The following TG variants were observed in gnomAD, a reference collection of about 807,000 sequenced individuals.
The protein encoded by TG is thyroglobulin, also known as thyroid hormones.
A neutral mutation model predicts 324.7 loss-of-function variants in TG; 270 were observed. The observed-to-expected ratio is 0.83, with a 90% CI of 0.75 to 0.92. The LOEUF is 0.92. TG is among the 40% of genes least tolerant of loss of function. TG has a pLI of 0.00. For synonymous variants in TG, 1,401 were observed against 1,327.0 expected (o/e 1.06, Z -1.21); for missense variants, 3,591 against 3,456.4 (o/e 1.04, Z -0.98).
intron 20 of TG, among the ~76,000 whole-genome samples, chr8:132,914,636 C>A (rs909287766): frequency 6.6e-6 from 1 of 152,198 alleles, no homozygotes; most frequent in Non-Finnish European, 1.5e-5. Flanking sequence ...TGAGATGGGG[C>A]ATCTGTCATG....
rs1483456905 is a variant in TG, at chr8:133,047,793, G to A, written c.7239+17770G>A. ...AGCCAGGAGCAAAACATGCTTGTCT[G>A]CCCCGGATGGGGAAAGATGAGTTGG... On this transcript the variant is annotated intron_variant, in intron 41 of 47. Coordinates refer to ENST00000220616, the MANE Select transcript of TG (RefSeq NM_003235.5). The A allele has an allele frequency of 4.4e-6, 5 of 1,142,120 alleles. No individual in the cohort carries two copies. The South Asian group carries it at 6.1e-5, about 14-fold the overall frequency. The allele number at this position is 1,142,120 out of a possible 1,614,324, so 70.7% of individuals were successfully genotyped here. A position where few individuals can be genotyped will look rare whatever the true frequency, so the allele number is the denominator to read the frequency against.
At chr8:132,966,491 T>A in intron 29 of TG, 69 bp from the exon 30 acceptor site, 1 of 1,566,020 alleles carries the variant, frequency 6.4e-7, no homozygotes, top group South Asian at 1.1e-5. Context: ...TGTGTGTTTC[T>A]TTCTTGTGTT....
intron 46 of TG, 92 bp from the exon 47 acceptor site, chr8:133,133,378 C>T: frequency 1.6e-6 from 2 of 1,289,762 alleles, no homozygotes; most frequent in Non-Finnish European, 2.3e-6. Context: ...TGAATTGTCC[C>T]TCAGATACCG....
At chr8:132,890,534 C>CTTA (rs1816084981) in intron 10 of TG, among the ~76,000 whole-genome samples, 1 of 152,140 alleles carries the variant, frequency 6.6e-6, no homozygotes, top group African/African-American at 2.4e-5. Flanking sequence ...GAATTCAATG[C>CTTA]AGCCAAAAGC....
chr8:133,019,521 T>G (rs1319854076), intron 38 of TG, 81 bp from the exon 39 acceptor site: 7 of 1,170,708 alleles, frequency 6.0e-6, no homozygotes, highest in African/African-American at 1.5e-5. Context: ...TGGAATGGGG[T>G]AGTGGGCTCT....
At chr8:133,087,497 T>G (rs1425199182) in intron 41 of TG, among the ~76,000 whole-genome samples, 2 of 152,218 alleles carry the variant, frequency 1.3e-5, no homozygotes, top group African/African-American at 4.8e-5. Context: ...GTTTTCTAAA[T>G]GGACTTGGCC....
At chr8:132,934,776 G>A (rs904046983) in intron 24 of TG, among the ~76,000 whole-genome samples, 5 of 152,124 alleles carry the variant, frequency 3.3e-5, no homozygotes, top group Non-Finnish European at 5.9e-5. Flanking sequence ...CAAAATACTG[G>A]GAACAAAACA....
At chr8:133,047,539 A>G (rs1433305521) in intron 41 of TG, 3 of 439,364 alleles carry the variant, frequency 6.8e-6, no homozygotes, top group Non-Finnish European at 8.5e-6. Context: ...CTGCCTACAC[A>G]CTGCGTTCAG....
chr8:132,925,445 A>G (rs1821706235), intron 22 of TG, among the ~76,000 whole-genome samples: 1 of 151,540 alleles, frequency 6.6e-6, no homozygotes, highest in Admixed American at 6.6e-5. Context: ...CAAGTGAGAA[A>G]TTTTCATTTT....
At chr8:133,089,029 C>T (rs1450032484) in intron 41 of TG, among the ~76,000 whole-genome samples, 2 of 152,234 alleles carry the variant, frequency 1.3e-5, no homozygotes, top group African/African-American at 4.8e-5. Context: ...ATTCAGCTGG[C>T]CCACGACACC....
intron 36 of TG, among the ~76,000 whole-genome samples, chr8:133,012,690 G>T (rs984974136): frequency 6.6e-6 from 1 of 152,170 alleles, no homozygotes; most frequent in Admixed American, 6.5e-5. Flanking sequence ...CTCCTTCTCT[G>T]CAAGGTTGGA....
At chr8:132,920,451 A>T (rs1168674989) in intron 21 of TG, among the ~76,000 whole-genome samples, 8 of 152,214 alleles carry the variant, frequency 5.3e-5, no homozygotes, top group Non-Finnish European at 8.8e-5. Flanking sequence ...AGTAATTCCA[A>T]TAAAATAAAA....
intron 8 of TG, 38 bp downstream of exon 8, chr8:132,883,037 A>G: frequency 1.2e-6 from 2 of 1,603,408 alleles, no homozygotes; most frequent in East Asian, 2.2e-5. Flanking sequence ...TCGGCCTCGG[A>G]TCATATTACT....
Position 132,887,439 on chromosome 8 carries a change from TGAGG to T in TG, c.2070_2073del (p.Glu690AspfsTer30), listed in dbSNP as rs1250821448. 6.2e-7 allele frequency: 1 copy of T among 1,614,028 alleles called. No individual in the cohort carries two copies. The highest frequency in any genetic ancestry group is 1.3e-5 in the African/African-American group (1 of 74,910). On this transcript the variant is annotated frameshift_variant, in exon 9 of 48. Coordinates refer to ENST00000220616, the MANE Select transcript of TG (RefSeq NM_003235.5). LOFTEE classifies it high-confidence loss of function. ...CCTTGTTTGTCCCTGCTTGTACTAGTGAGGGACATTTCCTGCCTGTCCAGTGCTT... is the reference window on the plus strand; with the variant it reads ...CCTTGTTTGTCCCTGCTTGTACTAGTGACATTTCCTGCCTGTCCAGTGCTT...
chr8:133,134,276 T>C (rs866653467), intron 47 of TG, among the ~76,000 whole-genome samples: 1 of 152,090 alleles, frequency 6.6e-6, no homozygotes, highest in African/African-American at 2.4e-5. Flanking sequence ...GAAGGAGGAC[T>C]CACTCCTCCC....
chr8:133,133,826 T>G lies in TG; in HGVS notation c.8188+166T>G, dbSNP rs1305471115. ...GTTCATGGTCTGGGGAGCTCCATGT[T>G]GCCAAGGGCCTCCTGTTCTGATGTA... On this transcript the variant is annotated intron_variant, in intron 47 of 47. Transcript: ENST00000220616. Among the ~76,000 whole-genome samples, 3 of 152,222 alleles carry G rather than the reference T, an allele frequency of 2.0e-5. No individual in the cohort carries two copies. The East Asian group carries it at 5.8e-4, about 29-fold the overall frequency.
At chr8:133,036,483 A>G (rs1361854031) in intron 41 of TG, among the ~76,000 whole-genome samples, 1 of 152,144 alleles carries the variant, frequency 6.6e-6, no homozygotes, top group African/African-American at 2.4e-5. Flanking sequence ...AATCGTTCAG[A>G]ATTTGGTGTT....
Position 133,116,704 on chromosome 8 carries a change from A to G in TG, c.7850A>G (p.Tyr2617Cys). 6.2e-7 allele frequency: 1 copy of G among 1,614,202 alleles called. No individual in the cohort carries two copies. ...TTCATGTACCATGCTCCTGAAAACT[A>G]CGGCCATGGCAGGTAAGACGCTGCA... The part of the protein sequence containing the change: ...NVFMYHAPEN[Y>C]GHGSLELLAD... Residue 2617 changes from tyrosine (Y) to cysteine (C), a missense_variant, in exon 45 of 48, where the codon TAC becomes TGC. Tyr to Cys is a radical substitution (Grantham distance 194). Transcript: ENST00000220616.
At chr8:132,882,036 A>C in intron 6 of TG, 67 bp downstream of exon 6, 1 of 1,195,192 alleles carries the variant, frequency 8.4e-7, no homozygotes, top group Non-Finnish European at 1.2e-6. Flanking sequence ...AAACCTGGAT[A>C]ACATTGCTTG....
Sources: allele counts gnomAD v4.1 joint callset (sites outside exome capture counted in the v4.1 genomes callset), GRCh38; gene constraint gnomAD v4.1.1; transcripts MANE v1.5; gene names NCBI Gene and HGNC (gene_info 2026-07-23, HGNC 2026-07-21).